The following EPHA2 variants were observed in gnomAD, a reference collection of about 807,000 sequenced individuals.
EPHA2 encodes EPH receptor A2, also known as ephrin type-A receptor 2.
A neutral mutation model predicts 104.9 loss-of-function variants in EPHA2; 54 were observed. The ratio of observed to expected loss-of-function variants is 0.51; its 90% CI spans 0.41 to 0.65. The LOEUF (loss-of-function observed/expected upper bound fraction) is 0.65. Ranked by LOEUF, EPHA2 falls within the 30% of genes least tolerant of loss-of-function variation. The pLI, the probability that EPHA2 is intolerant of heterozygous loss-of-function variation, is 0.00. For synonymous variants in EPHA2, 560 were observed against 559.1 expected (o/e 1.00, Z -0.02); for missense variants, 1,117 against 1,369.5 (o/e 0.82, Z 2.91).
chr1:16,130,128 C>G lies in EPHA2; in HGVS notation c.2669+98G>C, dbSNP rs1030218599. 2 of 1,530,984 alleles carry G rather than the reference C, an allele frequency of 1.3e-6. No individual in the cohort carries two copies. Among genetic ancestry groups the G allele is most frequent in the Non-Finnish European group, 9.0e-7 (1 of 1,109,140 alleles). The allele number at this position is 1,530,984 out of a possible 1,614,324, so 94.8% of individuals were successfully genotyped here. Reference sequence around the variant, plus strand: ...ATAACCTCTTAGCCCCCAGCACCCCCCCTACCAGCTTCACCTGGGTGGCCA... The same window carrying G: ...ATAACCTCTTAGCCCCCAGCACCCCGCCTACCAGCTTCACCTGGGTGGCCA... On this transcript the variant is annotated intron_variant, in intron 15 of 16. Transcript: ENST00000358432. This position sits in a 1 kb window ranked among gnomAD's most constrained non-coding sequence, Gnocchi z 4.5.
rs2124198183 is a variant in EPHA2 at position 16,131,480 on chromosome 1, T to A, written c.2475+241A>T. Among the ~76,000 whole-genome samples, 1 of 152,046 alleles carries A rather than the reference T, an allele frequency of 6.6e-6. No individual in the cohort carries two copies. The highest frequency in any genetic ancestry group is 3.4e-3 in the Middle Eastern group (1 of 294). ...CTGTAATCCCAGCTACTCGGGAGGC[T>A]GAGGCAGGAGAATTGCTTGAACCTG... On this transcript the variant is annotated intron_variant, in intron 14 of 16. Coordinates refer to ENST00000358432, the MANE Select transcript of EPHA2 (RefSeq NM_004431.5). The surrounding 1 kb of genome is among the most constrained non-coding windows in gnomAD (Gnocchi z 5.2).
intron 15 of EPHA2, among the ~76,000 whole-genome samples, chr1:16,129,952 T>C (rs929562989): frequency 1.3e-4 from 20 of 152,206 alleles, no homozygotes; most frequent in African/African-American, 4.8e-4. Flanking sequence ...TTCTACAAAA[T>C]GAGGATCACT....
intron 2 of EPHA2, among the ~76,000 whole-genome samples, chr1:16,149,773 C>G (rs1298805290): frequency 6.6e-6 from 1 of 152,208 alleles, no homozygotes; most frequent in East Asian, 1.9e-4. Flanking sequence ...ATGGGGACAC[C>G]CACATCTGGG....
chr1:16,143,481 C>T (rs1000035403), intron 3 of EPHA2, among the ~76,000 whole-genome samples: 12 of 152,068 alleles, frequency 7.9e-5, no homozygotes, highest in African/African-American at 2.7e-4. Flanking sequence ...GTCTGGCAGG[C>T]CTGGGCTACT....
intron 16 of EPHA2, 58 bp downstream of exon 16, chr1:16,129,376 G>A: frequency 6.3e-7 from 1 of 1,589,548 alleles, no homozygotes. Flanking sequence ...GGGGCATGGA[G>A]GCAGCCTCTG....
chr1:16,136,161 C>T (rs138559245), intron 5 of EPHA2, among the ~76,000 whole-genome samples: 3 of 152,164 alleles, frequency 2.0e-5, no homozygotes, highest in African/African-American at 7.2e-5. Flanking sequence ...GTGGTCACCA[C>T]GCCCAGCTCC....
At chr1:16,145,292 G>A (rs2024911784) in intron 3 of EPHA2, among the ~76,000 whole-genome samples, 2 of 152,236 alleles carry the variant, frequency 1.3e-5, no homozygotes, top group Admixed American at 1.3e-4. Flanking sequence ...GCAGGGCGGG[G>A]GAACCAAGGG....
intron 5 of EPHA2, among the ~76,000 whole-genome samples, chr1:16,136,687 G>C (rs1411020959): frequency 1.9e-5 from 2 of 107,846 alleles, no homozygotes; most frequent in Non-Finnish European, 3.3e-5. Flanking sequence ...GAAGAAAGAA[G>C]AAGAGGAAGA....
At position 16,138,008 on chromosome 1, in the gene EPHA2, G is replaced by A. The variant is rs141027815; in HGVS notation, c.1157C>T (p.Ser386Leu). ...CGPCEASVRY[S>L]EPPHGLTRTS... ...GCGGGTCAGTCCGTGAGGAGGCTCCGAGTAGCGCACACTGGCCTCACACGG... is the reference window on the plus strand; with the variant it reads ...GCGGGTCAGTCCGTGAGGAGGCTCCAAGTAGCGCACACTGGCCTCACACGG... Residue 386 changes from serine to leucine, a missense_variant, in exon 5 of 17, where the codon TCG becomes TTG. Physicochemically the swap from Ser to Leu is moderately radical, Grantham distance 145. Coordinates refer to ENST00000358432, the MANE Select transcript of EPHA2 (RefSeq NM_004431.5). 5.6e-6 allele frequency: 9 copies of A among 1,613,906 alleles called. No homozygotes were observed. The highest frequency in any genetic ancestry group is 1.7e-5 in the Admixed American group (1 of 60,028).
rs1244186360 is a variant in EPHA2, at chr1:16,124,684, G to A, written c.*531C>T. The A allele has an allele frequency of 6.4e-6, 1 of 157,086 alleles. No individual in the cohort carries two copies. The highest frequency in any genetic ancestry group is 2.4e-5 in the African/African-American group (1 of 41,564). The allele number at this position is 157,086 out of a possible 1,614,324, so 9.7% of individuals were successfully genotyped here. Reference sequence around the variant, plus strand: ...AACCAAGCATCTTGCAAAGGCCCAGGAAAGCAAGGGTTTGGCCAGTCAGGG... The same window carrying A: ...AACCAAGCATCTTGCAAAGGCCCAGAAAAGCAAGGGTTTGGCCAGTCAGGG... On this transcript the variant is annotated 3_prime_UTR_variant, in exon 17 of 17. Coordinates refer to ENST00000358432, the MANE Select transcript of EPHA2 (RefSeq NM_004431.5).
rs746288866 is a variant in EPHA2, at chr1:16,131,901, T to A, written c.2326-31A>T. 6.2e-6 allele frequency: 10 copies of A among 1,610,668 alleles called. No individual in the cohort carries two copies. The South Asian group carries it at 1.1e-4, about 18-fold the overall frequency. ...GGGAACCCAGGCCCAGTCACCACTG[T>A]GCCCTCTGGCTGGCCCCAGGACCAT... On this transcript the variant is annotated intron_variant, in intron 13 of 16. Coordinates refer to ENST00000358432, the MANE Select transcript of EPHA2 (RefSeq NM_004431.5). This position sits in a 1 kb window ranked among gnomAD's most constrained non-coding sequence, Gnocchi z 5.2.
Position 16,156,012 on chromosome 1 carries a change from C to G in EPHA2, c.-80G>C, listed in dbSNP as rs1323007580. The G allele has an allele frequency of 8.1e-7, 1 of 1,227,578 alleles. No homozygotes were observed. Among genetic ancestry groups the G allele is most frequent in the African/African-American group, 1.6e-5 (1 of 62,274 alleles). 76.0% of individuals were successfully genotyped at this position (1,227,578 alleles called of 1,614,324 possible). A position where few individuals can be genotyped will look rare whatever the true frequency, so the allele number is the denominator to read the frequency against. ...CACGCCTGCACGCCGGCCTCGGTGT[C>G]CGCTCCCGCCCGCCGGCCTGCGCGC... On this transcript the variant is annotated 5_prime_UTR_variant, in exon 1 of 17. Transcript: ENST00000358432.
chr1:16,130,437 T>C lies in EPHA2; in HGVS notation c.2476-18A>G, dbSNP rs1570396979. On this transcript the variant is annotated intron_variant, in intron 14 of 16. Transcript: ENST00000358432. The surrounding 1 kb of genome is among the most constrained non-coding windows in gnomAD (Gnocchi z 4.5). ...TTCATCACCTGGCGGGGCACGAAGG[T>C]CAGGGGCGCTGTTGCAGAAAGCCAC... is the stretch of plus-strand genomic sequence containing the variant. 1 of 1,533,944 alleles carries C rather than the reference T, an allele frequency of 6.5e-7. No homozygotes were observed. Among genetic ancestry groups the C allele is most frequent in the East Asian group, 2.3e-5 (1 of 43,732 alleles).
At position 16,134,521 on chromosome 1, in the gene EPHA2, G is replaced by T; in HGVS notation, c.1629C>A (p.Val543=). The change falls in exon 8 of 17, where the codon GTC becomes GTA. Residue 543 remains valine, a synonymous_variant. Transcript: ENST00000358432. This position sits in a 1 kb window ranked among gnomAD's most constrained non-coding sequence, Gnocchi z 4.5. ...CCAGCACCAGAAGCAGGACCACACC[G>T]ACAGCCACGCCGCCAATCACCGCCA... The part of the protein sequence containing the change: ...GNLAVIGGVA[V]GVVLLLVLAG... 8.1e-6 allele frequency: 13 copies of T among 1,614,088 alleles called. No homozygotes were observed. The highest frequency in any genetic ancestry group is 1.0e-5 in the Non-Finnish European group (12 of 1,180,028).
At position 16,124,890 on chromosome 1, in the gene EPHA2, C is replaced by T. The variant is rs372137888; in HGVS notation, c.*325G>A. On this transcript the variant is annotated 3_prime_UTR_variant, in exon 17 of 17. Transcript: ENST00000358432. ...TGAGATGGCCTCATGTGGGAGAAGG[C>T]GGAGGGAAGGTCGGCTTGGGAATAT... The T allele has an allele frequency of 5.9e-5, 19 of 319,560 alleles. No homozygotes were observed. The highest frequency in any genetic ancestry group is 3.9e-4 in the Admixed American group (10 of 25,364). The allele number at this position is 319,560 out of a possible 1,614,324, so 19.8% of individuals were successfully genotyped here.
In EPHA2 at chr1:16,130,177, C is replaced by G; in HGVS notation, c.2669+49G>C. On this transcript the variant is annotated intron_variant, in intron 15 of 16. Transcript: ENST00000358432. This position sits in a 1 kb window ranked among gnomAD's most constrained non-coding sequence, Gnocchi z 4.5. ...CACTCTACCGAAGTGGTTCAAGAGT[C>G]TGCAGAAGGAAAATTGAGGTCATCA... 6.2e-7 allele frequency: 1 copy of G among 1,613,372 alleles called. No individual in the cohort carries two copies. Among genetic ancestry groups the G allele is most frequent in the South Asian group, 1.1e-5 (1 of 90,928 alleles).
intron 11 of EPHA2, 77 bp downstream of exon 11, chr1:16,133,082 AAGGTGGGCACAGGTATAGGGG>A: frequency 1.3e-6 from 2 of 1,503,022 alleles, no homozygotes; most frequent in South Asian, 1.2e-5. Flanking sequence ...GTGTGGGGGG[AAGGTGGGCACAGGTATAGGGG>A]AGGTGGGCAC....
At chr1:16,138,939 C>T (rs778406231) in intron 3 of EPHA2, among the ~76,000 whole-genome samples, 3 of 152,242 alleles carry the variant, frequency 2.0e-5, no homozygotes, top group Admixed American at 1.3e-4. Context: ...CCAGCCTCAT[C>T]AGTTCAGGAT....
chr1:16,129,573 G>A lies in EPHA2; in HGVS notation c.2686C>T (p.Pro896Ser). ...DFDPRVSIRL[P>S]STSGSEGVPF... is the part of the protein sequence containing the mutation. ...ACCCCCTCCGAGCCGCTCGTGCTGGGGAGCCGGATAGACACGCTGCAACAG... is the reference window on the plus strand; with the variant it reads ...ACCCCCTCCGAGCCGCTCGTGCTGGAGAGCCGGATAGACACGCTGCAACAG... Residue 896 changes from proline (P) to serine (S), a missense_variant, in exon 16 of 17, where the codon CCC becomes TCC. Transcript: ENST00000358432. The A allele has an allele frequency of 6.2e-7, 1 of 1,611,870 alleles. No homozygotes were observed. The highest frequency in any genetic ancestry group is 8.5e-7 in the Non-Finnish European group (1 of 1,179,840).
Sources: allele counts gnomAD v4.1 joint callset (sites outside exome capture counted in the v4.1 genomes callset), GRCh38; gene constraint gnomAD v4.1.1; non-coding constraint Gnocchi (gnomAD v3.1); transcripts MANE v1.5; gene names NCBI Gene and HGNC (gene_info 2026-07-23, HGNC 2026-07-21).